Variants in CCNG1 observed in about 807,000 individuals in gnomAD.
CCNG1 encodes cyclin G1, also known as cyclin-G1.
In CCNG1, 13 loss-of-function variants were observed where a neutral mutation model predicts 30.0. The ratio of observed to expected loss-of-function variants is 0.43; its 90% CI spans 0.28 to 0.69. The LOEUF (loss-of-function observed/expected upper bound fraction) is 0.69. Among genes scored for constraint, CCNG1 ranks in the 30% least tolerant of loss-of-function variants. The pLI, the probability that CCNG1 is intolerant of heterozygous loss-of-function variation, is 0.16. For missense variants in CCNG1, 285 were observed against 331.4 expected (o/e 0.86, Z 1.09); for synonymous variants, 110 against 121.5 (o/e 0.91, Z 0.62).
At chr5:163,456,466 G>A in the CCNG1 span, among the ~76,000 whole-genome samples, 1 of 151,702 alleles carries the variant, frequency 6.6e-6, no homozygotes, top group Admixed American at 6.6e-5. Context: ...GAGACCCACA[G>A]CATATTATTA....
Position 163,442,152 on chromosome 5 carries a change from A to C in CCNG1, c.696+9A>C. 1 of 1,548,410 alleles carries C rather than the reference A, an allele frequency of 6.5e-7. No homozygotes were observed. Among genetic ancestry groups the C allele is most frequent in the African/African-American group, 1.4e-5 (1 of 73,574 alleles). On this transcript the variant is annotated intron_variant, in intron 5 of 6. Transcript: ENST00000340828. Reference sequence around the variant, plus strand: ...TTCAGAAACATTCCAAGGTATGTGAAGGACATAGCCTAAATCCTATTAACA... The same window carrying C: ...TTCAGAAACATTCCAAGGTATGTGACGGACATAGCCTAAATCCTATTAACA...
intron 3 of CCNG1, 51 bp downstream of exon 3, chr5:163,441,382 T>C: frequency 2.0e-6 from 3 of 1,511,262 alleles, no homozygotes; most frequent in Admixed American, 2.0e-5. Flanking sequence ...AGAATGGTAT[T>C]GTATGGATAT....
chr5:163,438,448 G>A (rs1045914886), intron 1 of CCNG1, among the ~76,000 whole-genome samples: 1 of 152,160 alleles, frequency 6.6e-6, no homozygotes, highest in African/African-American at 2.4e-5. Context: ...TTATTGTTCA[G>A]TGTTTTTTAA....
intron 1 of CCNG1, 146 bp downstream of exon 1, chr5:163,437,950 C>T (rs1230331012): frequency 6.6e-6 from 1 of 152,310 alleles, no homozygotes; most frequent in Non-Finnish European, 1.5e-5. Context: ...TAGTCCGAGG[C>T]TGGAGGGGCG....
chr5:163,442,362 A>C lies in CCNG1; in HGVS notation c.697-12A>C, dbSNP rs373285679. 3.2e-5 allele frequency: 51 copies of C among 1,578,734 alleles called. No homozygotes were observed. The highest frequency in any genetic ancestry group is 4.2e-5 in the Non-Finnish European group (49 of 1,165,030). On this transcript the variant is annotated splice_polypyrimidine_tract_variant and intron_variant, in intron 5 of 6. Coordinates refer to ENST00000340828, the MANE Select transcript of CCNG1 (RefSeq NM_004060.4). The stretch of plus-strand genomic sequence containing the variant: ...TTGGAGTAATAATTTTTTAAAATTT[A>C]TGTATGTACAGATAAATGGCAGAGA...
the CCNG1 span, among the ~76,000 whole-genome samples, chr5:163,454,776 G>A: frequency 3.4e-4 from 52 of 152,142 alleles, no homozygotes; most frequent in East Asian, 9.7e-4. Context: ...GGGCTATTTC[G>A]TTTATCCAAC....
At chr5:163,457,187 A>G in the CCNG1 span, 1 of 1,193,374 alleles carries the variant, frequency 8.4e-7, no homozygotes, top group South Asian at 1.7e-5. Flanking sequence ...GCTGGAGTGC[A>G]GCGGCTTGAT....
intron 5 of CCNG1, 44 bp downstream of exon 5, chr5:163,442,187 G>A (rs369000594): frequency 3.0e-6 from 4 of 1,326,564 alleles, no homozygotes; most frequent in East Asian, 4.6e-5. Flanking sequence ...AGCTGTAAAA[G>A]AAACTAAACC....
At chr5:163,457,414 T>G in the CCNG1 span, 6 of 611,674 alleles carry the variant, frequency 9.8e-6, no homozygotes, top group African/African-American at 1.1e-4. Flanking sequence ...CTCCCCCCAC[T>G]AGGTAACTTT....
the CCNG1 span, among the ~76,000 whole-genome samples, chr5:163,455,447 G>A: frequency 6.6e-6 from 1 of 152,332 alleles, no homozygotes; most frequent in Admixed American, 6.5e-5. Flanking sequence ...GAAGTGGCAT[G>A]ATGTGACTTG....
At chr5:163,453,883 C>CATTTT in the CCNG1 span, 1 of 642,034 alleles carries the variant, frequency 1.6e-6, no homozygotes, top group Non-Finnish European at 2.6e-6. Flanking sequence ...TAGGCATCCG[C>CATTTT]ATTTTTCTTC....
downstream of CCNG1, chr5:163,445,059 CTT>C (rs1758001577): frequency 6.6e-6 from 1 of 152,158 alleles, no homozygotes. Context: ...TTAATTAACT[CTT>C]TTAGCAATGT....
chr5:163,449,482 T>C (rs1758121982), downstream of CCNG1: 1 of 152,210 alleles, frequency 6.6e-6, no homozygotes, highest in South Asian at 2.1e-4. Flanking sequence ...AGGTCCTAAA[T>C]AGATACCTCA....
the CCNG1 span, among the ~76,000 whole-genome samples, chr5:163,454,720 C>T: frequency 2.0e-5 from 3 of 152,222 alleles, no homozygotes; most frequent in Non-Finnish European, 4.4e-5. Flanking sequence ...ATTTAACCCT[C>T]ACAACAGTCC....
At chr5:163,457,168 C>T in the CCNG1 span, 2,355 of 1,336,718 alleles carry the variant, frequency 1.8e-3, 4 homozygotes, top group Non-Finnish European at 2.2e-3. Flanking sequence ...CAGTATCACT[C>T]TCACCCAGGC....
At chr5:163,456,136 C>G in the CCNG1 span, among the ~76,000 whole-genome samples, 1 of 152,054 alleles carries the variant, frequency 6.6e-6, no homozygotes, top group Non-Finnish European at 1.5e-5. Flanking sequence ...GTTGAATAGG[C>G]AACCGGGTAT....
intron 2 of CCNG1, 30 bp from the exon 3 acceptor site, chr5:163,441,048 G>C (rs760298391): frequency 6.3e-7 from 1 of 1,596,230 alleles, no homozygotes; most frequent in Non-Finnish European, 8.5e-7. Flanking sequence ...TAGAGTCATG[G>C]GCTTACTGGT....
At chr5:163,443,200 T>TG (rs1239704963) in intron 6 of CCNG1, among the ~76,000 whole-genome samples, 8 of 151,394 alleles carry the variant, frequency 5.3e-5, no homozygotes, top group African/African-American at 1.7e-4. Flanking sequence ...TAGTCCCAGC[T>TG]ACTCGGGAGG....
At chr5:163,443,175 G>A (rs1312673777) in intron 6 of CCNG1, among the ~76,000 whole-genome samples, 3 of 152,056 alleles carry the variant, frequency 2.0e-5, no homozygotes, top group Admixed American at 6.6e-5. Flanking sequence ...AGCCAGTCGC[G>A]GTGGCGGGCG....
Sources: allele counts gnomAD v4.1 joint callset (sites outside exome capture counted in the v4.1 genomes callset), GRCh38; gene constraint gnomAD v4.1.1; transcripts MANE v1.5; gene names NCBI Gene and HGNC (gene_info 2026-07-23, HGNC 2026-07-21).